Variants in ARSB observed in about 807,000 individuals in gnomAD.
ARSB encodes the protein N-acetylgalactosamine-4-sulfatase.
ARSB carries 41 observed loss-of-function variants against 50.9 expected under a neutral mutation model. The ratio of observed to expected loss-of-function variants is 0.81; its 90% CI spans 0.63 to 1.04. The LOEUF is 1.04. ARSB is among the 50% of genes least tolerant of loss of function. The pLI, the probability that ARSB is intolerant of heterozygous loss-of-function variation, is 0.00. For synonymous variants in ARSB, 269 were observed against 284.8 expected, an observed-to-expected ratio of 0.94 and a Z score of 0.56; for missense variants, 672 against 693.3, an observed-to-expected ratio of 0.97 and a Z score of 0.35.
intron 6 of ARSB, among the ~76,000 whole-genome samples, chr5:78,824,234 T>C (rs558963023): frequency 3.2e-4 from 49 of 152,380 alleles, no homozygotes; most frequent in Non-Finnish European, 5.9e-4. Flanking sequence ...GTCTCAGACA[T>C]TCCTTTACAG....
At chr5:78,781,714 A>T in intron 7 of ARSB, 138 bp downstream of exon 7, 1 of 1,318,150 alleles carries the variant, frequency 7.6e-7, no homozygotes, top group South Asian at 1.2e-5. Flanking sequence ...AACAAGAGTG[A>T]TAATGTCCTC....
chr5:78,916,271 T>C (rs1749539421), intron 4 of ARSB, among the ~76,000 whole-genome samples: 1 of 152,172 alleles, frequency 6.6e-6, no homozygotes, highest in Non-Finnish European at 1.5e-5. Flanking sequence ...TGTGGCCAGG[T>C]GCCCTGACTA....
At chr5:78,959,633 C>T (rs901254801) in intron 3 of ARSB, among the ~76,000 whole-genome samples, 2 of 152,114 alleles carry the variant, frequency 1.3e-5, no homozygotes, top group Non-Finnish European at 2.9e-5. Flanking sequence ...TACTATAGCC[C>T]ATTTCAAGAG....
chr5:78,793,560 A>G (rs1328735285), intron 6 of ARSB, among the ~76,000 whole-genome samples: 1 of 152,256 alleles, frequency 6.6e-6, no homozygotes, highest in Non-Finnish European at 1.5e-5. Context: ...CTCGGGAATC[A>G]GAGTCTGGAA....
At chr5:78,923,560 TG>T (rs1158800620) in intron 4 of ARSB, among the ~76,000 whole-genome samples, 2 of 152,362 alleles carry the variant, frequency 1.3e-5, no homozygotes, top group East Asian at 3.9e-4. Flanking sequence ...AGGATGCAAT[TG>T]TGGCTTTTGC....
intron 5 of ARSB, among the ~76,000 whole-genome samples, chr5:78,859,860 T>C (rs1746343364): frequency 6.6e-6 from 1 of 151,758 alleles, no homozygotes. Flanking sequence ...AGATCAGGCA[T>C]GAGATGTAGC....
At chr5:78,853,786 G>A (rs560505574) in intron 5 of ARSB, among the ~76,000 whole-genome samples, 8 of 152,338 alleles carry the variant, frequency 5.3e-5, no homozygotes, top group Middle Eastern at 6.8e-3. Flanking sequence ...CCCCAGCCTC[G>A]CTGCCGCCTT....
At chr5:78,796,931 G>A (rs1399918747) in intron 6 of ARSB, among the ~76,000 whole-genome samples, 1 of 146,956 alleles carries the variant, frequency 6.8e-6, no homozygotes, top group Non-Finnish European at 1.5e-5. Flanking sequence ...AGGCTGGAGT[G>A]CAGTGGCGGG....
chr5:78,841,821 A>T (rs1303474483), intron 5 of ARSB, among the ~76,000 whole-genome samples: 1 of 152,186 alleles, frequency 6.6e-6, no homozygotes, highest in Non-Finnish European at 1.5e-5. Context: ...GTTAGGAAAA[A>T]TCTTCATAGG....
intron 4 of ARSB, among the ~76,000 whole-genome samples, chr5:78,934,863 C>T (rs764934772): frequency 5.7e-4 from 87 of 151,696 alleles, no homozygotes; most frequent in Non-Finnish European, 1.1e-3. Flanking sequence ...TAGGAAGAAC[C>T]TTGTATATTT....
chr5:78,972,952 A>G (rs955817038), intron 1 of ARSB, among the ~76,000 whole-genome samples: 4 of 152,226 alleles, frequency 2.6e-5, no homozygotes, highest in Non-Finnish European at 5.9e-5. Context: ...ATTGGGAAGC[A>G]GAAGCCAAAC....
intron 6 of ARSB, among the ~76,000 whole-genome samples, chr5:78,793,296 T>A (rs1743048977): frequency 6.6e-6 from 1 of 152,318 alleles, no homozygotes; most frequent in South Asian, 2.1e-4. Context: ...ATCCATCCTA[T>A]TATTTTCATG....
chr5:78,924,985 TG>T (rs1223864452), intron 4 of ARSB, among the ~76,000 whole-genome samples: 1 of 152,214 alleles, frequency 6.6e-6, no homozygotes, highest in African/African-American at 2.4e-5. Flanking sequence ...AAGTTCCATA[TG>T]TTTTTCAAGG....
chr5:78,896,954 C>T (rs913347548), intron 4 of ARSB, among the ~76,000 whole-genome samples: 14 of 151,812 alleles, frequency 9.2e-5, no homozygotes, highest in African/African-American at 2.9e-4. Flanking sequence ...TAGGAAAATG[C>T]GCAGGTTCAA....
chr5:78,899,853 G>A (rs1748721585), intron 4 of ARSB, among the ~76,000 whole-genome samples: 1 of 152,102 alleles, frequency 6.6e-6, no homozygotes, highest in Non-Finnish European at 1.5e-5. Context: ...GGGAGACTGT[G>A]GTTCCCTGTT....
chr5:78,839,226 TC>T lies in ARSB; in HGVS notation c.1213+129del, dbSNP rs1745082007. ...CCCTCTGAGATGAGCGGGAGATATGTCCCGAAGAACTGTTTACCTTTATAGC... is the reference window on the plus strand; with the variant it reads ...CCCTCTGAGATGAGCGGGAGATATGTCCGAAGAACTGTTTACCTTTATAGC... On this transcript the variant is annotated intron_variant, in intron 6 of 7. Transcript: ENST00000264914. The T allele has an allele frequency of 3.6e-6, 3 of 838,878 alleles. No individual in the cohort carries two copies. In the Admixed American group the frequency reaches 5.8e-5, roughly 16 times the overall value. The allele number at this position is 838,878 out of a possible 1,614,324, so 52.0% of individuals were successfully genotyped here. A position where few individuals can be genotyped will look rare whatever the true frequency, so the allele number is the denominator to read the frequency against.
intron 5 of ARSB, among the ~76,000 whole-genome samples, chr5:78,880,139 A>G (rs1451837419): frequency 6.6e-6 from 1 of 152,192 alleles, no homozygotes; most frequent in Non-Finnish European, 1.5e-5. Context: ...ACGTGCTAAC[A>G]CCGAAGAAAG....
chr5:78,880,581 C>T (rs1747700681), intron 5 of ARSB, among the ~76,000 whole-genome samples: 1 of 152,198 alleles, frequency 6.6e-6, no homozygotes, highest in Admixed American at 6.5e-5. Context: ...CCAAGCCAAA[C>T]CGCTACAGCC....
At chr5:78,906,648 G>A (rs1328003577) in intron 4 of ARSB, among the ~76,000 whole-genome samples, 2 of 150,372 alleles carry the variant, frequency 1.3e-5, no homozygotes, top group Admixed American at 6.6e-5. Flanking sequence ...TATTAGGTTG[G>A]TGCAAAAGTA....
Sources: gnomAD v4.1 joint callset for allele counts (sites outside exome capture counted in the v4.1 genomes callset) on GRCh38, gnomAD v4.1.1 for gene constraint, MANE v1.5 for transcripts, NCBI Gene and HGNC (gene_info 2026-07-23, HGNC 2026-07-21) for gene names.